ESRRB: variants seen among roughly 807,000 people sequenced by gnomAD.
The protein encoded by ESRRB is steroid hormone receptor ERR2.
A neutral mutation model predicts 46.0 loss-of-function variants in ESRRB; 16 were observed. The ratio of observed to expected loss-of-function variants is 0.35; its 90% CI spans 0.24 to 0.53. The LOEUF (loss-of-function observed/expected upper bound fraction) is 0.53, where lower values mean the gene tolerates loss of function less well. ESRRB is among the 20% of genes least tolerant of loss of function. The pLI is 0.93. For missense variants in ESRRB, 488 were observed against 607.4 expected, an observed-to-expected ratio of 0.80 and a Z score of 2.07; for synonymous variants, 246 against 259.6, an observed-to-expected ratio of 0.95 and a Z score of 0.50.
intron 2 of ESRRB, among the ~76,000 whole-genome samples, chr14:76,457,404 T>C (rs1459000424): frequency 6.6e-6 from 1 of 152,174 alleles, no homozygotes; most frequent in Non-Finnish European, 1.5e-5. Context: ...CCAGGATGGC[T>C]TTGAATGCGG....
chr14:76,364,064 A>C (rs1210038824), intron 1 of ESRRB, among the ~76,000 whole-genome samples: 2 of 152,188 alleles, frequency 1.3e-5, no homozygotes, highest in African/African-American at 4.8e-5. Flanking sequence ...AGCAACTGCC[A>C]GCTTCCTCTC....
chr14:76,470,291 A>ACAAAC (rs889507260), intron 3 of ESRRB, among the ~76,000 whole-genome samples: 3 of 151,928 alleles, frequency 2.0e-5, no homozygotes, highest in South Asian at 2.1e-4. Context: ...TTTTCCCTCC[A>ACAAAC]CAAACCAAAC....
chr14:76,401,523 A>G (rs1885943845), intron 1 of ESRRB, among the ~76,000 whole-genome samples: 1 of 152,236 alleles, frequency 6.6e-6, no homozygotes, highest in Non-Finnish European at 1.5e-5. Flanking sequence ...TGTGCCACAT[A>G]ATGACATTTC....
At chr14:76,372,042 C>T (rs1244960948), upstream of ESRRB, among the ~76,000 whole-genome samples, 1 of 152,092 alleles carries the variant, frequency 6.6e-6, no homozygotes, top group Non-Finnish European at 1.5e-5. Context: ...GATTTTCACC[C>T]GACCTCTGGC....
intron 1 of ESRRB, among the ~76,000 whole-genome samples, chr14:76,431,647 A>T (rs1887451090): frequency 6.6e-6 from 1 of 152,208 alleles, no homozygotes; most frequent in African/African-American, 2.4e-5. Context: ...AGGCCAGGGC[A>T]GCGCTTGCTA....
At chr14:76,340,198 T>C (rs1884175711) in intron 1 of ESRRB, among the ~76,000 whole-genome samples, 1 of 152,108 alleles carries the variant, frequency 6.6e-6, no homozygotes, top group Non-Finnish European at 1.5e-5. Flanking sequence ...AGGGAATCGC[T>C]CTAACTCTAT....
intron 1 of ESRRB, among the ~76,000 whole-genome samples, chr14:76,403,706 G>A (rs868643495): frequency 9.2e-5 from 14 of 152,114 alleles, no homozygotes; most frequent in African/African-American, 3.1e-4. Flanking sequence ...GGTGACAGGT[G>A]GTAAGACCCT....
chr14:76,431,896 C>T (rs922957586), intron 1 of ESRRB, among the ~76,000 whole-genome samples: 88 of 152,168 alleles, frequency 5.8e-4, no homozygotes, highest in African/African-American at 2.1e-3. Context: ...GCAGCAGCTA[C>T]TCCTCCTAGA....
chr14:76,325,265 AC>A (rs1207985540), intron 1 of ESRRB, among the ~76,000 whole-genome samples: 1 of 151,960 alleles, frequency 6.6e-6, no homozygotes, highest in Admixed American at 6.6e-5. Flanking sequence ...CACAAGCAAC[AC>A]TTTTTATAAA....
intron 1 of ESRRB, among the ~76,000 whole-genome samples, chr14:76,395,083 AG>A (rs1282252119): frequency 3.3e-5 from 5 of 151,852 alleles, no homozygotes; most frequent in African/African-American, 1.2e-4. Context: ...TGGTGACCTC[AG>A]TAGGAGCTCT....
chr14:76,449,243 A>G lies in ESRRB; in HGVS notation c.460+9493A>G, dbSNP rs143707129. On this transcript the variant is annotated intron_variant, in intron 2 of 6. Coordinates refer to ENST00000644823, the MANE Select transcript of ESRRB (RefSeq NM_001379180.1). ...AAGATTATTTTCCTGGGAATAACTA[A>G]ATTTGTGTTAAATTTCTTTACTCCC... 1.7e-4 allele frequency among the ~76,000 whole-genome samples: 26 copies of G among 152,296 alleles called. No homozygotes were observed. The East Asian group carries it at 4.4e-3, about 26-fold the overall frequency.
intron 1 of ESRRB, among the ~76,000 whole-genome samples, chr14:76,428,610 C>T (rs558022846): frequency 6.6e-6 from 1 of 152,174 alleles, no homozygotes; most frequent in East Asian, 2.0e-4. Context: ...TTCAAAAAGC[C>T]AGCAGTGGCC....
chr14:76,438,664 A>G (rs895076746), intron 1 of ESRRB, among the ~76,000 whole-genome samples: 2 of 125,110 alleles, frequency 1.6e-5, no homozygotes, highest in Non-Finnish European at 3.6e-5. Flanking sequence ...ACTCCATCTC[A>G]AAAAAAAAAA....
chr14:76,496,566 G>C (rs974245255), intron 6 of ESRRB, among the ~76,000 whole-genome samples: 1 of 152,170 alleles, frequency 6.6e-6, no homozygotes, highest in East Asian at 1.9e-4. Flanking sequence ...GTACAGGGAG[G>C]CAGGAAGGGT....
rs564137499 is a variant in ESRRB, at chr14:76,462,744, T to C, written c.577+83T>C. 22 of 1,022,760 alleles carry C rather than the reference T, an allele frequency of 2.2e-5. No homozygotes were observed. The Admixed American group carries it at 3.7e-4, about 17-fold the overall frequency. 63.4% of individuals were successfully genotyped at this position (1,022,760 alleles called of 1,614,324 possible). On this transcript the variant is annotated intron_variant, in intron 3 of 6. Coordinates refer to ENST00000644823, the MANE Select transcript of ESRRB (RefSeq NM_001379180.1). ...TGTCCCCTGTGAGACACCCACAAGC[T>C]GTGGACCTGTGTCCCAGGGTGAGAC...
upstream of ESRRB, among the ~76,000 whole-genome samples, chr14:76,375,131 C>T (rs886858048): frequency 6.6e-6 from 1 of 150,636 alleles, no homozygotes; most frequent in African/African-American, 2.4e-5. Context: ...GGGCTTTTCC[C>T]CCCTTTTAAA....
chr14:76,497,409 C>T (rs143657498), intron 6 of ESRRB, among the ~76,000 whole-genome samples: 305 of 152,280 alleles, frequency 2.0e-3, no homozygotes, highest in African/African-American at 7.0e-3. Flanking sequence ...AGTCCTCACT[C>T]CTGTGTTTTA....
At chr14:76,423,407 T>C (rs947799727) in intron 1 of ESRRB, among the ~76,000 whole-genome samples, 2 of 152,160 alleles carry the variant, frequency 1.3e-5, no homozygotes, top group African/African-American at 4.8e-5. Context: ...GCTTCCCAAA[T>C]TGCTGAGATT....
At chr14:76,330,659 C>T (rs574159301) in intron 1 of ESRRB, among the ~76,000 whole-genome samples, 30 of 152,226 alleles carry the variant, frequency 2.0e-4, no homozygotes, top group Non-Finnish European at 3.5e-4. Flanking sequence ...CAGGGGGCTT[C>T]GGGAAGCTTT....
Sources: gnomAD v4.1 joint callset for allele counts (sites outside exome capture counted in the v4.1 genomes callset) on GRCh38, gnomAD v4.1.1 for gene constraint, MANE v1.5 for transcripts, NCBI Gene and HGNC (gene_info 2026-07-23, HGNC 2026-07-21) for gene names.